Variants in POLA1 observed in about 807,000 individuals in gnomAD.
The protein encoded by POLA1 is DNA polymerase alpha 1, catalytic subunit, also known as DNA polymerase alpha catalytic subunit.
Under a neutral mutation model 124.0 loss-of-function variants are expected in POLA1, and 15 were observed. The ratio of observed to expected loss-of-function variants is 0.12; its 90% CI spans 0.08 to 0.19. POLA1 has a LOEUF of 0.19. Among genes scored for constraint, POLA1 ranks in the 10% least tolerant of loss-of-function variants. POLA1 has a pLI of 1.00. For missense variants in POLA1, 886 were observed against 1,103.4 expected (o/e 0.80, Z 2.79); for synonymous variants, 408 against 389.4 (o/e 1.05, Z -0.56).
chrX:24,757,942 T>G (rs980024375), intron 26 of POLA1, among the ~76,000 whole-genome samples: 3 of 111,959 alleles, frequency 2.7e-5, no homozygotes, highest in Non-Finnish European at 5.6e-5. Flanking sequence ...GTAAGTGGCA[T>G]TTTATCTGCA....
At chrX:24,736,779 T>C (rs1931304862) in intron 18 of POLA1, among the ~76,000 whole-genome samples, 1 of 112,163 alleles carries the variant, frequency 8.9e-6, no homozygotes, top group Admixed American at 9.4e-5. Flanking sequence ...CTTTTCATTT[T>C]GTAAAACTGA....
In POLA1 at chrX:24,841,684, T is replaced by C. The variant is rs781405938; in HGVS notation, c.3769T>C (p.Tyr1257His). Residue 1257 changes from tyrosine to histidine, a missense_variant, in exon 33 of 37, where the codon TAT becomes CAT. Physicochemically the swap from Tyr to His is moderately conservative, Grantham distance 83. Around this residue, in one of 7 missense-constraint regions of POLA1, gnomAD observed 313 missense variants for 359.7 expected, o/e 0.87. Transcript: ENST00000379068. ...LDPTQFRVHH[Y>H]HKDEENDALL... Reference sequence around the variant, plus strand: ...CCCCACCCAATTTAGAGTTCATCATTATCATAAAGATGAAGAGAATGATGC... The same window carrying C: ...CCCCACCCAATTTAGAGTTCATCATCATCATAAAGATGAAGAGAATGATGC... 2 of 1,190,573 alleles carry C rather than the reference T, an allele frequency of 1.7e-6. No individual in the cohort carries two copies. The highest frequency in any genetic ancestry group is 1.9e-5 in the South Asian group (1 of 53,239).
chrX:24,986,589 A>T (rs2048483745), intron 36 of POLA1, among the ~76,000 whole-genome samples: 1 of 109,415 alleles, frequency 9.1e-6, no homozygotes, highest in South Asian at 4.1e-4. Flanking sequence ...CCACATAAAA[A>T]TGTAAAAATT....
chrX:24,754,532 G>A (rs953228788), intron 26 of POLA1, among the ~76,000 whole-genome samples: 1 of 111,661 alleles, frequency 9.0e-6, no homozygotes, highest in African/African-American at 3.3e-5. Flanking sequence ...GGGACTACAG[G>A]CATGAGCCAC....
intron 26 of POLA1, among the ~76,000 whole-genome samples, chrX:24,771,280 A>T (rs890334415): frequency 4.5e-5 from 5 of 111,569 alleles, no homozygotes; most frequent in Non-Finnish European, 9.4e-5. Flanking sequence ...TTTTGATCAC[A>T]ATACGATAGG....
At position 24,742,030 on chromosome X, in the gene POLA1, A is replaced by G. The variant is rs1263341513; in HGVS notation, c.2375A>G (p.Glu792Gly). The part of the protein sequence containing the change: ...MSRTLMGGRS[E>G]RNEFLLLHAF... ...AGGACGCTGATGGGTGGACGATCCG[A>G]GCGTAACGAGTTCTTGTTGCTTCAT... The change falls in exon 22 of 37, where the codon GAG becomes GGG. Residue 792 changes from glutamate to glycine, a missense_variant. Glu to Gly is a moderately conservative substitution (Grantham distance 98). Coordinates refer to ENST00000379068, the MANE Select transcript of POLA1 (RefSeq NM_001330360.2). 1.7e-6 allele frequency: 2 copies of G among 1,203,332 alleles called. No individual in the cohort carries two copies. The highest frequency in any genetic ancestry group is 3.0e-5 in the East Asian group (1 of 33,709).
chrX:24,702,528 C>T (rs1928523960), intron 2 of POLA1, among the ~76,000 whole-genome samples: 1 of 111,876 alleles, frequency 8.9e-6, no homozygotes, highest in African/African-American at 3.3e-5. Flanking sequence ...TTACTCATAC[C>T]AGTAGCTCAT....
intron 36 of POLA1, among the ~76,000 whole-genome samples, chrX:24,986,000 C>T (rs1437327899): frequency 1.8e-5 from 2 of 111,183 alleles, no homozygotes; most frequent in East Asian, 2.8e-4. Flanking sequence ...GGAGAAACCC[C>T]GTCTGTACTA....
intron 36 of POLA1, among the ~76,000 whole-genome samples, chrX:24,940,161 CTAAA>C (rs1369981616): frequency 9.0e-6 from 1 of 111,593 alleles, no homozygotes; most frequent in Non-Finnish European, 1.9e-5. Flanking sequence ...ACATCAGACC[CTAAA>C]TAAAGACAAA....
At chrX:24,816,543 G>A (rs2045990721) in intron 30 of POLA1, among the ~76,000 whole-genome samples, 1 of 112,234 alleles carries the variant, frequency 8.9e-6, no homozygotes, top group Non-Finnish European at 1.9e-5. Flanking sequence ...TATTGGCATG[G>A]AATCACTGTG....
intron 28 of POLA1, among the ~76,000 whole-genome samples, chrX:24,811,264 G>A (rs1325753296): frequency 5.6e-5 from 5 of 89,363 alleles, no homozygotes; most frequent in African/African-American, 1.7e-4. Flanking sequence ...TTTTTTTTTC[G>A]TCTTGTTTTG....
chrX:24,894,117 A>G (rs2047175889), intron 35 of POLA1, among the ~76,000 whole-genome samples: 1 of 112,073 alleles, frequency 8.9e-6, no homozygotes, highest in Non-Finnish European at 1.9e-5. Context: ...TAATGATCTT[A>G]GTAAAGACTT....
At chrX:24,890,641 A>G (rs992903077) in intron 35 of POLA1, among the ~76,000 whole-genome samples, 2 of 112,476 alleles carry the variant, frequency 1.8e-5, no homozygotes, top group Non-Finnish European at 3.8e-5. Flanking sequence ...CCAGTACTTT[A>G]TGAACATACC....
chrX:24,755,320 T>TAC (rs1303678206), intron 26 of POLA1, among the ~76,000 whole-genome samples: 1 of 112,401 alleles, frequency 8.9e-6, no homozygotes, highest in Non-Finnish European at 1.9e-5. Context: ...ACTATATATA[T>TAC]ACTTAGACTT....
intron 10 of POLA1, among the ~76,000 whole-genome samples, chrX:24,722,573 C>A (rs1236580888): frequency 8.9e-6 from 1 of 112,534 alleles, no homozygotes; most frequent in Admixed American, 9.4e-5. Context: ...TAGAAAAACA[C>A]TGATGCACTA....
chrX:24,816,260 A>T (rs1028420551), intron 30 of POLA1, among the ~76,000 whole-genome samples: 1 of 112,530 alleles, frequency 8.9e-6, no homozygotes, highest in African/African-American at 3.2e-5. Context: ...GTTTCACCAC[A>T]GTTTTGCATG....
At chrX:24,924,645 C>T (rs753261250) in intron 35 of POLA1, among the ~76,000 whole-genome samples, 4 of 111,688 alleles carry the variant, frequency 3.6e-5, no homozygotes, top group Non-Finnish European at 5.6e-5. Flanking sequence ...CTATGTCTGT[C>T]AGGTGGAAAG....
chrX:24,819,745 G>A (rs1381097202), intron 30 of POLA1, among the ~76,000 whole-genome samples: 4 of 110,764 alleles, frequency 3.6e-5, no homozygotes, highest in East Asian at 5.6e-4. Flanking sequence ...TTATCAACCC[G>A]TCATCTAGGT....
In POLA1 at chrX:24,819,964, T is replaced by A. The variant is rs904807472; in HGVS notation, c.3430-1488T>A. On this transcript the variant is annotated intron_variant, in intron 30 of 36. Coordinates refer to ENST00000379068, the MANE Select transcript of POLA1 (RefSeq NM_001330360.2). ...GGATGATGGTTTCCAGCTTCATCCATGTCCCTGCAAAGAACATGAACTCAC... is the reference window on the plus strand; with the variant it reads ...GGATGATGGTTTCCAGCTTCATCCAAGTCCCTGCAAAGAACATGAACTCAC... Among the ~76,000 whole-genome samples, 71 of 111,798 alleles carry A rather than the reference T, an allele frequency of 6.4e-4. 1 individual carries two copies. The highest frequency in any genetic ancestry group is 1.1e-3 in the Non-Finnish European group (59 of 53,217).
Sources: allele counts gnomAD v4.1 joint callset (sites outside exome capture counted in the v4.1 genomes callset), GRCh38; gene constraint gnomAD v4.1.1; regional missense constraint gnomAD v4.1.1; transcripts MANE v1.5; gene names NCBI Gene and HGNC (gene_info 2026-07-23, HGNC 2026-07-21).